Variants in AFM observed in about 807,000 individuals in gnomAD.
The protein encoded by AFM is afamin, also known as alpha-Alb.
In AFM, 82 loss-of-function variants were observed where a neutral mutation model predicts 68.7. The observed-to-expected ratio is 1.19, with a 90% CI of 1.00 to 1.43. The LOEUF (loss-of-function observed/expected upper bound fraction) is 1.43. Ranked by LOEUF, AFM falls within the 40% of genes most tolerant of loss-of-function variation. AFM has a pLI of 0.00. For missense variants in AFM, 772 were observed against 701.8 expected (o/e 1.10, Z -1.13); for synonymous variants, 250 against 234.2 (o/e 1.07, Z -0.61).
At chr4:73,488,461 G>C (rs1720972963) in intron 6 of AFM, among the ~76,000 whole-genome samples, 169 bp from the exon 7 acceptor site, 1 of 152,072 alleles carries the variant, frequency 6.6e-6, no homozygotes, top group Non-Finnish European at 1.5e-5. Flanking sequence ...TTTTCAAAGT[G>C]ATCATGTAGG....
chr4:73,485,655 G>A (rs978140142), intron 3 of AFM, among the ~76,000 whole-genome samples: 2 of 143,472 alleles, frequency 1.4e-5, no homozygotes, highest in African/African-American at 5.2e-5. Flanking sequence ...GAAGAAGAAG[G>A]GGAGGAGGAG....
chr4:73,499,977 T>G (rs930407404), intron 11 of AFM, 27 bp from the exon 12 acceptor site: 4 of 1,574,408 alleles, frequency 2.5e-6, no homozygotes, highest in Non-Finnish European at 3.5e-6. Context: ...TAAGATCGTA[T>G]CTCAGTTGCA....
chr4:73,497,557 C>A, intron 9 of AFM, 95 bp from the exon 10 acceptor site: 3 of 705,702 alleles, frequency 4.3e-6, no homozygotes, highest in South Asian at 3.4e-5. Context: ...TTGAAAATAC[C>A]ATAGAAATAA....
In AFM at chr4:73,481,858, A is replaced by T; in HGVS notation, c.83A>T (p.Asp28Val). Residue 28 changes from aspartate (D) to valine (V), a missense_variant, in exon 1 of 15, where the codon GAT becomes GTT. Asp to Val is a radical substitution (Grantham distance 152). Transcript: ENST00000226355. ...CTAACCCTGCCCACACAACCTCGGGATATAGGTAAGAAATTTACTTGTATA... is the reference window on the plus strand; with the variant it reads ...CTAACCCTGCCCACACAACCTCGGGTTATAGGTAAGAAATTTACTTGTATA... ...ESLTLPTQPR[D>V]IENFNSTQKF... is the part of the protein sequence containing the mutation. 6.3e-7 allele frequency: 1 copy of T among 1,589,958 alleles called. No individual in the cohort carries two copies. The highest frequency in any genetic ancestry group is 1.1e-5 in the South Asian group (1 of 87,140).
chr4:73,491,845 A>G, intron 7 of AFM, 27 bp from the exon 8 acceptor site: 1 of 1,592,818 alleles, frequency 6.3e-7, no homozygotes. Flanking sequence ...TGAAAGTAAA[A>G]TAATCTCTCA....
intron 7 of AFM, among the ~76,000 whole-genome samples, chr4:73,490,488 C>T (rs1721042401): frequency 6.6e-6 from 1 of 152,176 alleles, no homozygotes; most frequent in African/African-American, 2.4e-5. Flanking sequence ...ACAATGATCT[C>T]GGCTCACTGC....
At position 73,488,774 on chromosome 4, in the gene AFM, A is replaced by C. The variant is rs1248478792; in HGVS notation, c.843+15A>C. The C allele has an allele frequency of 6.3e-7, 1 of 1,594,932 alleles. No homozygotes were observed. Among genetic ancestry groups the C allele is most frequent in the Admixed American group, 1.8e-5 (1 of 55,326 alleles). ...TCCGTGACACGGTGAATATTCTCTA[A>C]AACCAAGTTAAAATAGTGATTTTTG... On this transcript the variant is annotated intron_variant, in intron 7 of 14. Coordinates refer to ENST00000226355, the MANE Select transcript of AFM (RefSeq NM_001133.2).
chr4:73,484,906 T>A lies in AFM; in HGVS notation c.270+516T>A, dbSNP rs943391565. On this transcript the variant is annotated intron_variant, in intron 3 of 14. Transcript: ENST00000226355. The stretch of plus-strand genomic sequence containing the variant: ...TGAGAAAATTTCTGGCTTGAAAATA[T>A]GAAATGAAAGATGTTCTGTGCGCAG... 3.3e-5 allele frequency among the ~76,000 whole-genome samples: 5 copies of A among 152,228 alleles called. No individual in the cohort carries two copies. In the East Asian group the frequency reaches 7.7e-4, roughly 23 times the overall value.
In AFM at chr4:73,486,023, C is replaced by G; in HGVS notation, c.432C>G (p.Pro144=). The change falls in exon 4 of 15, where the codon CCC becomes CCG. Residue 144 remains proline (P), a synonymous_variant. Coordinates refer to ENST00000226355, the MANE Select transcript of AFM (RefSeq NM_001133.2). ...TGCCTCCTTTCCCTACCCTGGATCC[C>G]GAAGAGAAATGCCAGGCTTATGAAA... ...GFLPPFPTLD[P]EEKCQAYESN... is the part of the protein sequence containing the mutation. 6.2e-7 allele frequency: 1 copy of G among 1,613,828 alleles called. No individual in the cohort carries two copies. Among genetic ancestry groups the G allele is most frequent in the Non-Finnish European group, 8.5e-7 (1 of 1,179,934 alleles).
chr4:73,484,425 C>T (rs1271519512), intron 3 of AFM, 35 bp downstream of exon 3: 3 of 1,395,334 alleles, frequency 2.2e-6, no homozygotes, highest in East Asian at 2.7e-5. Flanking sequence ...TTCCTTTTAT[C>T]TTATGTCTTT....
intron 1 of AFM, among the ~76,000 whole-genome samples, chr4:73,482,133 T>C (rs1033321366): frequency 3.3e-5 from 5 of 152,236 alleles, no homozygotes; most frequent in African/African-American, 1.2e-4. Flanking sequence ...TGCTGGGAGA[T>C]ACATTTGGAT....
chr4:73,493,450 C>G (rs1300544276), intron 8 of AFM, among the ~76,000 whole-genome samples: 6 of 152,110 alleles, frequency 3.9e-5, no homozygotes, highest in Non-Finnish European at 7.3e-5. Flanking sequence ...CTAATTGGAA[C>G]TATCAGAAGA....
chr4:73,484,494 C>CTT, intron 3 of AFM, 104 bp downstream of exon 3: 2 of 822,020 alleles, frequency 2.4e-6, no homozygotes, highest in Non-Finnish European at 1.7e-6. Flanking sequence ...TTCTTTCTTT[C>CTT]TTTCTTTCTT....
chr4:73,502,822 TGA>T (rs1243521605), intron 13 of AFM, among the ~76,000 whole-genome samples: 1 of 152,120 alleles, frequency 6.6e-6, no homozygotes, highest in East Asian at 1.9e-4. Flanking sequence ...TTTATCTGAG[TGA>T]GTGTGTACAT....
rs770256374 is a variant in AFM, at chr4:73,485,912, G to A, written c.321G>A (p.Lys107=). 1 of 1,614,092 alleles carries A rather than the reference G, an allele frequency of 6.2e-7. No homozygotes were observed. Among genetic ancestry groups the A allele is most frequent in the African/African-American group, 1.3e-5 (1 of 75,030 alleles). ...KICAMEGLPQ[K]HNFSHCCSKV... ...GTGCTATGGAGGGGCTGCCACAAAA[G>A]CATAATTTCTCACACTGCTGCAGTA... Residue 107 remains lysine, a synonymous_variant, in exon 4 of 15, where the codon AAG becomes AAA. Transcript: ENST00000226355.
rs190264016 is a variant in AFM, at chr4:73,496,442, A to C, written c.1191+1010A>C. On this transcript the variant is annotated intron_variant, in intron 9 of 14. Coordinates refer to ENST00000226355, the MANE Select transcript of AFM (RefSeq NM_001133.2). ...TAATATTTATGGCTTTTTTCTTAGG[A>C]TGGATTATCAGAAGGAAAATTATTG... 1.0e-3 allele frequency among the ~76,000 whole-genome samples: 154 copies of C among 152,036 alleles called. 1 individual carries two copies. Among genetic ancestry groups the C allele is most frequent in the African/African-American group, 3.5e-3 (146 of 41,488 alleles).
intron 12 of AFM, among the ~76,000 whole-genome samples, chr4:73,500,586 C>G (rs1448640393): frequency 1.3e-5 from 2 of 152,056 alleles, no homozygotes; most frequent in African/African-American, 4.8e-5. Flanking sequence ...CCTAAAGGGC[C>G]AGGAAGTTTA....
At chr4:73,499,446 G>T (rs1053585236) in intron 11 of AFM, among the ~76,000 whole-genome samples, 200 bp downstream of exon 11, 10 of 152,154 alleles carry the variant, frequency 6.6e-5, no homozygotes, top group African/African-American at 2.4e-4. Context: ...AATATTTTTG[G>T]AGAGTACTTC....
At chr4:73,499,004 G>C (rs1295124727) in intron 10 of AFM, 110 bp from the exon 11 acceptor site, 4 of 1,089,152 alleles carry the variant, frequency 3.7e-6, no homozygotes, top group Non-Finnish European at 5.1e-6. Context: ...GGTTCATGTT[G>C]CACCTATATT....
Sources: allele counts gnomAD v4.1 joint callset (sites outside exome capture counted in the v4.1 genomes callset), GRCh38; gene constraint gnomAD v4.1.1; transcripts MANE v1.5; gene names NCBI Gene and HGNC (gene_info 2026-07-23, HGNC 2026-07-21).